Variants in ADAMTS6 observed in about 807,000 individuals in gnomAD.
The protein encoded by ADAMTS6 is A disintegrin and metalloproteinase with thrombospondin motifs 6.
In ADAMTS6, 23 loss-of-function variants were observed where a neutral mutation model predicts 144.3. The ratio of observed to expected loss-of-function variants is 0.16; its 90% CI spans 0.11 to 0.23. ADAMTS6 has a LOEUF of 0.23. Among genes scored for constraint, ADAMTS6 ranks in the 10% least tolerant of loss-of-function variants. The pLI, the probability that ADAMTS6 is intolerant of heterozygous loss-of-function variation, is 1.00. For synonymous variants in ADAMTS6, 444 were observed against 457.5 expected, an observed-to-expected ratio of 0.97 and a Z score of 0.38; for missense variants, 999 against 1,379.6, an observed-to-expected ratio of 0.72 and a Z score of 4.37.
chr5:65,277,889 A>G (rs1365807592), intron 11 of ADAMTS6, among the ~76,000 whole-genome samples: 1 of 152,064 alleles, frequency 6.6e-6, no homozygotes, highest in Non-Finnish European at 1.5e-5. Flanking sequence ...TGTTACATGG[A>G]TGAATTATAC....
At chr5:65,226,057 C>A in intron 16 of ADAMTS6, 29 bp downstream of exon 16, 4 of 1,569,384 alleles carry the variant, frequency 2.5e-6, no homozygotes, top group African/African-American at 2.7e-5. Context: ...CTCAAAAACC[C>A]CAACAGAAAG....
chr5:65,292,014 A>G (rs1328549517), intron 10 of ADAMTS6, among the ~76,000 whole-genome samples: 1 of 152,174 alleles, frequency 6.6e-6, no homozygotes, highest in Non-Finnish European at 1.5e-5. Context: ...TTTCCTCTCA[A>G]ATATATTAGA....
At chr5:65,466,180 G>A (rs1759984177) in intron 3 of ADAMTS6, among the ~76,000 whole-genome samples, 2 of 152,108 alleles carry the variant, frequency 1.3e-5, no homozygotes, top group Non-Finnish European at 2.9e-5. Flanking sequence ...CGAACTTGTA[G>A]TTATCATTGA....
At chr5:65,465,282 A>G (rs907743359) in intron 3 of ADAMTS6, among the ~76,000 whole-genome samples, 5 of 152,250 alleles carry the variant, frequency 3.3e-5, no homozygotes, top group Admixed American at 1.3e-4. Context: ...ACAAATTCCT[A>G]CAATCACAAA....
rs1323334778 is a variant in ADAMTS6 at position 65,157,718 on chromosome 5, G to T, written c.3245-5773C>A. ...ACCTGATGAGAAGTGAGATAGCAAA[G>T]GTTGTGCATGCGTGGCACAGGAGTT... On this transcript the variant is annotated intron_variant, in intron 24 of 24. Coordinates refer to ENST00000381055, the MANE Select transcript of ADAMTS6 (RefSeq NM_197941.4). Among the ~76,000 whole-genome samples, 18 of 152,336 alleles carry T rather than the reference G, an allele frequency of 1.2e-4. No individual in the cohort carries two copies. In the South Asian group the frequency reaches 1.2e-3, roughly 11 times the overall value.
intron 22 of ADAMTS6, among the ~76,000 whole-genome samples, chr5:65,186,547 G>C (rs1561260027): frequency 6.6e-6 from 1 of 152,104 alleles, no homozygotes. Flanking sequence ...TCATACCAAT[G>C]AATATTTATG....
At chr5:65,254,541 A>G (rs1271905854) in intron 14 of ADAMTS6, among the ~76,000 whole-genome samples, 1 of 152,212 alleles carries the variant, frequency 6.6e-6, no homozygotes, top group Non-Finnish European at 1.5e-5. Context: ...ACAGGAGGCC[A>G]GTGTAGGAAG....
intron 11 of ADAMTS6, among the ~76,000 whole-genome samples, chr5:65,286,390 G>A (rs1329401847): frequency 6.6e-6 from 1 of 152,004 alleles, no homozygotes; most frequent in Non-Finnish European, 1.5e-5. Flanking sequence ...CCCATTTATG[G>A]TTCAGGATAT....
chr5:65,285,120 A>G (rs1256655666), intron 11 of ADAMTS6, among the ~76,000 whole-genome samples: 4 of 152,298 alleles, frequency 2.6e-5, no homozygotes, highest in Non-Finnish European at 4.4e-5. Flanking sequence ...TGGGTTTTCC[A>G]GATTACAGAA....
chr5:65,181,959 T>TGAAA (rs1754380719), intron 22 of ADAMTS6, among the ~76,000 whole-genome samples: 1 of 152,198 alleles, frequency 6.6e-6, no homozygotes, highest in Non-Finnish European at 1.5e-5. Context: ...TCTAATAACT[T>TGAAA]TTTCCAGTGG....
chr5:65,195,557 T>C (rs1238768016), intron 21 of ADAMTS6, among the ~76,000 whole-genome samples: 1 of 152,224 alleles, frequency 6.6e-6, no homozygotes, highest in Non-Finnish European at 1.5e-5. Context: ...ATAATGGAAG[T>C]TCAAAAGGCA....
intron 7 of ADAMTS6, among the ~76,000 whole-genome samples, chr5:65,412,128 C>A (rs2150183814): frequency 6.6e-6 from 1 of 152,254 alleles, no homozygotes; most frequent in Non-Finnish European, 1.5e-5. Context: ...GCCTCAATTT[C>A]ACACAGTAAA....
intron 20 of ADAMTS6, among the ~76,000 whole-genome samples, chr5:65,206,181 C>T (rs2112275602): frequency 6.6e-6 from 1 of 152,136 alleles, no homozygotes; most frequent in East Asian, 1.9e-4. Flanking sequence ...TTAAAAATAA[C>T]ATCCCCAAGA....
intron 7 of ADAMTS6, among the ~76,000 whole-genome samples, chr5:65,411,821 C>G (rs1755079742): frequency 6.6e-6 from 1 of 152,126 alleles, no homozygotes; most frequent in Admixed American, 6.5e-5. Context: ...AAGGCTGACA[C>G]AAACTAAACT....
rs534307419 is a variant in ADAMTS6 at position 65,247,102 on chromosome 5, A to G, written c.1831-4896T>C. On this transcript the variant is annotated intron_variant, in intron 14 of 24. Transcript: ENST00000381055. Reference sequence around the variant, plus strand: ...GACAGATTTTCAGCCTTCTAGTGCTAACACTCACCAAGCGTCTTCTCCTTT... The same window carrying G: ...GACAGATTTTCAGCCTTCTAGTGCTGACACTCACCAAGCGTCTTCTCCTTT... Among the ~76,000 whole-genome samples, 33 of 152,326 alleles carry G rather than the reference A, an allele frequency of 2.2e-4. 1 individual carries two copies. The South Asian group carries it at 6.6e-3, about 31-fold the overall frequency.
intron 22 of ADAMTS6, among the ~76,000 whole-genome samples, chr5:65,173,352 C>A (rs148771821): frequency 4.8e-4 from 73 of 152,262 alleles, no homozygotes; most frequent in African/African-American, 1.7e-3. Context: ...ACCTTCGTTT[C>A]CTACTTGGTG....
chr5:65,456,536 T>C (rs939223469), intron 4 of ADAMTS6, among the ~76,000 whole-genome samples: 2 of 152,216 alleles, frequency 1.3e-5, no homozygotes, highest in African/African-American at 4.8e-5. Flanking sequence ...TATATTTATT[T>C]GTTTGTTTGT....
intron 24 of ADAMTS6, among the ~76,000 whole-genome samples, chr5:65,166,153 C>T (rs1479608257): frequency 1.4e-5 from 2 of 139,644 alleles, no homozygotes; most frequent in East Asian, 4.2e-4. Context: ...TGTGCAGAGA[C>T]ACACATAGGC....
intron 22 of ADAMTS6, among the ~76,000 whole-genome samples, chr5:65,186,198 C>CCA (rs2112164122): frequency 6.6e-6 from 1 of 152,282 alleles, no homozygotes; most frequent in South Asian, 2.1e-4. Context: ...ACTCCCAACT[C>CCA]TATACCCCTC....
Sources: gnomAD v4.1 joint callset for allele counts (sites outside exome capture counted in the v4.1 genomes callset) on GRCh38, gnomAD v4.1.1 for gene constraint, MANE v1.5 for transcripts, NCBI Gene and HGNC (gene_info 2026-07-23, HGNC 2026-07-21) for gene names.